FAR2: variants seen among roughly 807,000 people sequenced by gnomAD.
The protein encoded by FAR2 is fatty acyl-CoA reductase 2.
In FAR2, 19 loss-of-function variants were observed where a neutral mutation model predicts 56.0. That is an observed-to-expected ratio of 0.34 (90% CI 0.24 to 0.50). FAR2 has a LOEUF of 0.50. Among genes scored for constraint, FAR2 ranks in the 20% least tolerant of loss-of-function variants. FAR2 has a pLI of 0.98. For missense variants in FAR2, 508 were observed against 642.2 expected, an observed-to-expected ratio of 0.79 and a Z score of 2.26; for synonymous variants, 219 against 218.8, an observed-to-expected ratio of 1.00 and a Z score of -0.01.
intron 1 of FAR2, among the ~76,000 whole-genome samples, chr12:29,221,951 A>C (rs961918246): frequency 6.6e-6 from 1 of 152,004 alleles, no homozygotes; most frequent in Non-Finnish European, 1.5e-5. Context: ...AGGTTCAAGC[A>C]ATTCTCCTGT....
chr12:29,176,144 A>G (rs1330127293), intron 1 of FAR2, among the ~76,000 whole-genome samples: 2 of 152,228 alleles, frequency 1.3e-5, no homozygotes, highest in Non-Finnish European at 2.9e-5. Flanking sequence ...CATTATCATC[A>G]TTTAATTTTA....
intron 1 of FAR2, among the ~76,000 whole-genome samples, chr12:29,217,390 G>T (rs553557730): frequency 1.3e-5 from 2 of 152,316 alleles, no homozygotes; most frequent in East Asian, 3.9e-4. Flanking sequence ...ACATAGAGCT[G>T]ATTCTTCCTA....
At chr12:29,240,265 A>G (rs1239294590) in intron 1 of FAR2, among the ~76,000 whole-genome samples, 3 of 152,212 alleles carry the variant, frequency 2.0e-5, no homozygotes, top group Non-Finnish European at 4.4e-5. Context: ...TCTGGAAGTC[A>G]GAGCTTACAC....
intron 1 of FAR2, among the ~76,000 whole-genome samples, chr12:29,198,261 T>A (rs1950157728): frequency 6.6e-6 from 1 of 152,148 alleles, no homozygotes; most frequent in South Asian, 2.1e-4. Flanking sequence ...TGAGTCTCAC[T>A]TTGTTGCCGG....
At chr12:29,235,777 T>A (rs985651106) in intron 1 of FAR2, among the ~76,000 whole-genome samples, 1 of 152,152 alleles carries the variant, frequency 6.6e-6, no homozygotes, top group Non-Finnish European at 1.5e-5. Flanking sequence ...TAGTGAGTGA[T>A]GGGAGCAAAT....
chr12:29,285,508 C>T (rs1451562243), intron 2 of FAR2, among the ~76,000 whole-genome samples: 2 of 151,964 alleles, frequency 1.3e-5, no homozygotes, highest in Non-Finnish European at 2.9e-5. Context: ...CAACCTCTCC[C>T]CTGCAGGCCA....
At chr12:29,275,053 G>C (rs1478127012) in intron 2 of FAR2, among the ~76,000 whole-genome samples, 2 of 148,332 alleles carry the variant, frequency 1.3e-5, no homozygotes, top group Non-Finnish European at 3.0e-5. Flanking sequence ...ATGACCTCAG[G>C]TTGGCACCAA....
chr12:29,272,812 G>GT (rs1292852630), intron 2 of FAR2, among the ~76,000 whole-genome samples: 1 of 152,152 alleles, frequency 6.6e-6, no homozygotes, highest in African/African-American at 2.4e-5. Context: ...CTTGGATAGG[G>GT]TTTTTGTGTG....
intron 1 of FAR2, among the ~76,000 whole-genome samples, chr12:29,268,932 C>G (rs1948566516): frequency 6.6e-6 from 1 of 152,080 alleles, no homozygotes; most frequent in African/African-American, 2.4e-5. Flanking sequence ...TCACAGACAT[C>G]AAGTCCTTTA....
intron 2 of FAR2, among the ~76,000 whole-genome samples, chr12:29,273,098 T>A (rs7976667): frequency 3.9e-5 from 6 of 152,012 alleles, no homozygotes; most frequent in South Asian, 2.1e-4. Context: ...TGACAACCCC[T>A]GTAGGAAGGT....
At chr12:29,202,540 C>T (rs1422426225) in intron 1 of FAR2, among the ~76,000 whole-genome samples, 2 of 152,170 alleles carry the variant, frequency 1.3e-5, no homozygotes, top group Admixed American at 6.5e-5. Flanking sequence ...ATATTTGTCC[C>T]TTCCAAATCT....
chr12:29,317,477 C>T (rs1271599539), intron 9 of FAR2, among the ~76,000 whole-genome samples: 1 of 152,092 alleles, frequency 6.6e-6, no homozygotes, highest in East Asian at 1.9e-4. Context: ...AAGTATTTCA[C>T]ATAAAGGATA....
At position 29,308,689 on chromosome 12, in the gene FAR2, G is replaced by GAC. The variant is rs57435586; in HGVS notation, c.724-467_724-466dup. Among the ~76,000 whole-genome samples, 210 of 137,432 alleles carry GAC rather than the reference G, an allele frequency of 1.5e-3. 5 individuals are homozygous for GAC. The highest frequency in any genetic ancestry group is 0.014 in the Admixed American group (188 of 13,768). 90.2% of individuals were successfully genotyped at this position (137,432 alleles called of 152,430 possible). ...AAGTCAATATACACACAGACACACA[G>GAC]ACACACACACACACACACACACACA... On this transcript the variant is annotated intron_variant, in intron 5 of 11. Coordinates refer to ENST00000536681, the MANE Select transcript of FAR2 (RefSeq NM_001271783.2).
At chr12:29,235,617 A>G (rs1042422261) in intron 1 of FAR2, among the ~76,000 whole-genome samples, 12 of 152,202 alleles carry the variant, frequency 7.9e-5, no homozygotes, top group African/African-American at 7.2e-5. Context: ...TGGTAAACCT[A>G]TAAGCCATGC....
intron 10 of FAR2, among the ~76,000 whole-genome samples, chr12:29,330,056 C>CTTTTTTT (rs10693997): frequency 1.6e-5 from 2 of 127,062 alleles, no homozygotes; most frequent in African/African-American, 3.0e-5. Flanking sequence ...ACATTTATGA[C>CTTTTTTT]TTTTTTTTTT....
chr12:29,282,424 C>T (rs1371214158), intron 2 of FAR2: 6 of 152,128 alleles, frequency 3.9e-5, no homozygotes, highest in Non-Finnish European at 7.4e-5. Flanking sequence ...TTAACTTTAA[C>T]GAGTTTGACA....
At chr12:29,156,159 G>A (rs1169435310) in intron 1 of FAR2, among the ~76,000 whole-genome samples, 1 of 152,006 alleles carries the variant, frequency 6.6e-6, no homozygotes, top group Non-Finnish European at 1.5e-5. Context: ...TAGGCAGGAG[G>A]CATTCGTTTT....
At chr12:29,314,363 C>A (rs1179859487) in intron 8 of FAR2, among the ~76,000 whole-genome samples, 1 of 151,564 alleles carries the variant, frequency 6.6e-6, no homozygotes, top group Non-Finnish European at 1.5e-5. Flanking sequence ...TGGGTCCTAC[C>A]ATTTAGTAGA....
Position 29,204,813 on chromosome 12 carries a change from C to T in FAR2, c.-39+55406C>T, listed in dbSNP as rs115092374. Among the ~76,000 whole-genome samples the T allele has an allele frequency of 5.1e-3, 781 of 152,208 alleles. 13 individuals carry two copies. Among genetic ancestry groups the T allele is most frequent in the African/African-American group, 0.018 (731 of 41,512 alleles). ...GAGGTGCTACACACTTTTAAACAAC[C>T]GGATCTCAGAATAACTCACTCATTC... On this transcript the variant is annotated intron_variant, in intron 1 of 11. Transcript: ENST00000536681.
Sources: allele counts gnomAD v4.1 joint callset (sites outside exome capture counted in the v4.1 genomes callset), GRCh38; gene constraint gnomAD v4.1.1; transcripts MANE v1.5; gene names NCBI Gene and HGNC (gene_info 2026-07-23, HGNC 2026-07-21).